The following MCTP2 variants were observed in gnomAD, a reference collection of about 807,000 sequenced individuals.
MCTP2 encodes multiple C2 and transmembrane domain containing 2.
A neutral mutation model predicts 111.6 loss-of-function variants in MCTP2; 132 were observed. The ratio of observed to expected loss-of-function variants is 1.18; its 90% CI spans 1.03 to 1.37. The LOEUF is 1.37. Ranked by LOEUF, MCTP2 falls within the 40% of genes most tolerant of loss-of-function variation. The pLI is 0.00. For missense variants in MCTP2, 1,183 were observed against 1,067.9 expected (o/e 1.11, Z -1.50); for synonymous variants, 395 against 387.7 (o/e 1.02, Z -0.22).
intron 8 of MCTP2, among the ~76,000 whole-genome samples, chr15:94,348,973 A>G (rs1240361521): frequency 1.3e-5 from 2 of 151,890 alleles, no homozygotes; most frequent in Non-Finnish European, 2.9e-5. Context: ...ACCTACCTCT[A>G]TCTGCTTGTC....
chr15:94,278,892 A>G (rs2074344048), intron 1 of MCTP2, among the ~76,000 whole-genome samples: 1 of 152,102 alleles, frequency 6.6e-6, no homozygotes, highest in Non-Finnish European at 1.5e-5. Flanking sequence ...CTATTATTGA[A>G]TAGGGAGTCC....
chr15:94,427,148 T>C (rs144425741), intron 17 of MCTP2, among the ~76,000 whole-genome samples: 1 of 152,248 alleles, frequency 6.6e-6, no homozygotes, highest in African/African-American at 2.4e-5. Flanking sequence ...ATCCTCTATG[T>C]TTTTGTCTTT....
chr15:94,307,075 G>A (rs11634645), intron 2 of MCTP2, among the ~76,000 whole-genome samples: 25,451 of 152,092 alleles, frequency 0.17, 2,391 homozygotes, highest in Non-Finnish European at 0.22. Flanking sequence ...GCTCAGTCTC[G>A]CTGTTCTTCT....
rs2081060370 is a variant in MCTP2 at position 94,392,752 on chromosome 15, G to T, written c.1789-6209G>T. Among the ~76,000 whole-genome samples the T allele has an allele frequency of 2.6e-5, 4 of 152,042 alleles. No individual in the cohort carries two copies. The South Asian group carries it at 6.2e-4, about 24-fold the overall frequency. ...AATCGCCTGAACCTGGGAGACGGAG[G>T]TTGCAGTGAGCCAAGATCACGCCAC... On this transcript the variant is annotated intron_variant, in intron 14 of 22. Coordinates refer to ENST00000357742, the MANE Select transcript of MCTP2 (RefSeq NM_001385001.1).
intron 20 of MCTP2, among the ~76,000 whole-genome samples, chr15:94,465,953 A>G (rs2073243757): frequency 6.6e-6 from 1 of 152,000 alleles, no homozygotes; most frequent in African/African-American, 2.4e-5. Flanking sequence ...GATATCTGCC[A>G]TCTGTTTCTT....
At chr15:94,316,885 A>G (rs576028625) in intron 4 of MCTP2, among the ~76,000 whole-genome samples, 34 of 151,638 alleles carry the variant, frequency 2.2e-4, no homozygotes, top group Non-Finnish European at 4.6e-4. Flanking sequence ...CTTCCTCTCT[A>G]TTCTGTTTTG....
At chr15:94,382,846 C>T (rs140326678) in intron 12 of MCTP2, among the ~76,000 whole-genome samples, 5 of 152,380 alleles carry the variant, frequency 3.3e-5, no homozygotes, top group African/African-American at 1.2e-4. Context: ...CGTTAATGTC[C>T]TACGGACATT....
At chr15:94,267,716 G>A (rs67446529) in intron 1 of MCTP2, among the ~76,000 whole-genome samples, 65,944 of 151,548 alleles carry the variant, frequency 0.44, 14,685 homozygotes, top group Admixed American at 0.51. Flanking sequence ...TGAGAATTCC[G>A]CTTTCTCCTC....
chr15:94,245,488 A>T (rs1362077907), intron 1 of MCTP2, among the ~76,000 whole-genome samples: 1 of 140,970 alleles, frequency 7.1e-6, no homozygotes, highest in African/African-American at 2.6e-5. Context: ...ATATACATAC[A>T]TGTATGTATT....
At position 94,470,426 on chromosome 15, in the gene MCTP2, C is replaced by T; in HGVS notation, c.2454C>T (p.Tyr818=). 4 of 1,610,058 alleles carry T rather than the reference C, an allele frequency of 2.5e-6. No homozygotes were observed. Among genetic ancestry groups the T allele is most frequent in the South Asian group, 2.2e-5 (2 of 90,980 alleles). ...TIILYFIPLR[Y]IILIWGINKF... ...TTTTGTATTTCATTCCACTGCGGTA[C>T]ATCATTTTAATCTGGGGTAAGTTTG... Residue 818 remains tyrosine, a synonymous_variant, in exon 21 of 23, where the codon TAC becomes TAT. Transcript: ENST00000357742.
chr15:94,352,811 C>T (rs563420753), intron 8 of MCTP2, among the ~76,000 whole-genome samples: 18 of 152,302 alleles, frequency 1.2e-4, no homozygotes, highest in African/African-American at 4.1e-4. Context: ...GCGAGCCCAG[C>T]TCTGCAAGAA....
intron 1 of MCTP2, among the ~76,000 whole-genome samples, chr15:94,294,402 A>G (rs2075166823): frequency 6.6e-6 from 1 of 152,218 alleles, no homozygotes; most frequent in South Asian, 2.1e-4. Flanking sequence ...CAAAACAAAG[A>G]TGGTGAAACT....
intron 1 of MCTP2, among the ~76,000 whole-genome samples, chr15:94,276,334 G>A (rs1177977192): frequency 3.9e-5 from 6 of 151,962 alleles, no homozygotes; most frequent in Admixed American, 3.9e-4. Flanking sequence ...AAAAAATATG[G>A]AACTTATTAA....
intron 17 of MCTP2, among the ~76,000 whole-genome samples, chr15:94,437,223 G>A (rs2083530211): frequency 3.3e-5 from 5 of 150,118 alleles, no homozygotes; most frequent in Admixed American, 3.3e-4. Flanking sequence ...ATGGAAGAAG[G>A]TGAAGGAAAA....
intron 20 of MCTP2, among the ~76,000 whole-genome samples, chr15:94,469,746 C>T (rs900069350): frequency 2.6e-5 from 4 of 151,998 alleles, no homozygotes; most frequent in Non-Finnish European, 5.9e-5. Context: ...GTGTCTCTTG[C>T]CTGTAGTCCC....
chr15:94,272,832 A>G (rs1184354769), intron 1 of MCTP2, among the ~76,000 whole-genome samples: 3 of 152,140 alleles, frequency 2.0e-5, no homozygotes, highest in Non-Finnish European at 2.9e-5. Context: ...GCTAATCGTC[A>G]TAGTATAAGG....
chr15:94,431,066 A>T (rs925629523), intron 17 of MCTP2, among the ~76,000 whole-genome samples: 1 of 152,092 alleles, frequency 6.6e-6, no homozygotes, highest in Non-Finnish European at 1.5e-5. Flanking sequence ...CTCATATACA[A>T]TCTAAGCTAC....
intron 1 of MCTP2, among the ~76,000 whole-genome samples, chr15:94,259,395 G>A (rs1235914322): frequency 6.6e-6 from 1 of 152,158 alleles, no homozygotes; most frequent in Non-Finnish European, 1.5e-5. Flanking sequence ...TACTGCAGCT[G>A]TTAACTGCTA....
At chr15:94,382,534 C>T (rs2080200378) in intron 12 of MCTP2, among the ~76,000 whole-genome samples, 1 of 152,244 alleles carries the variant, frequency 6.6e-6, no homozygotes, top group Non-Finnish European at 1.5e-5. Context: ...CTATTCATCG[C>T]CCATGCGTCT....
Sources: gnomAD v4.1 joint callset for allele counts (sites outside exome capture counted in the v4.1 genomes callset) on GRCh38, gnomAD v4.1.1 for gene constraint, MANE v1.5 for transcripts, NCBI Gene and HGNC (gene_info 2026-07-23, HGNC 2026-07-21) for gene names.